PPP4R4: variants seen among roughly 807,000 people sequenced by gnomAD.
PPP4R4 encodes serine/threonine-protein phosphatase 4 regulatory subunit 4.
PPP4R4 carries 70 observed loss-of-function variants against 121.8 expected under a neutral mutation model. That is an observed-to-expected ratio of 0.57 (90% confidence interval 0.47 to 0.70). The LOEUF is 0.70. Ranked by LOEUF, PPP4R4 falls within the 30% of genes least tolerant of loss-of-function variation. PPP4R4 has a pLI of 0.00. For missense variants in PPP4R4, 875 were observed against 1,033.6 expected (o/e 0.85, Z 2.10); for synonymous variants, 348 against 355.7 (o/e 0.98, Z 0.24).
chr14:94,239,198 T>TC (rs1371250357), intron 8 of PPP4R4, among the ~76,000 whole-genome samples: 1 of 138,534 alleles, frequency 7.2e-6, no homozygotes, highest in African/African-American at 3.0e-5. Flanking sequence ...TTCTGCTTCT[T>TC]TTTTTTTTTT....
chr14:94,224,840 C>A (rs1456752076), intron 3 of PPP4R4, among the ~76,000 whole-genome samples: 1 of 151,774 alleles, frequency 6.6e-6, no homozygotes, highest in Non-Finnish European at 1.5e-5. Context: ...AAAATGAAGA[C>A]CAAAAGTGGA....
rs560456294 is a variant in PPP4R4 at position 94,217,229 on chromosome 14, A to C, written c.294+8663A>C. Among the ~76,000 whole-genome samples, 9 of 152,270 alleles carry C rather than the reference A, an allele frequency of 5.9e-5. No homozygotes were observed. In the East Asian group the frequency reaches 1.7e-3, roughly 29 times the overall value. On this transcript the variant is annotated intron_variant, in intron 3 of 24. Transcript: ENST00000304338. ...GCCTGCTGAAAACTGAGGGTGGAGCAGGAACACTGAGGCAAACCCTTTGGC... is the reference window on the plus strand; with the variant it reads ...GCCTGCTGAAAACTGAGGGTGGAGCCGGAACACTGAGGCAAACCCTTTGGC...
chr14:94,207,750 A>T (rs1447414071), intron 2 of PPP4R4, among the ~76,000 whole-genome samples: 2 of 151,798 alleles, frequency 1.3e-5, no homozygotes, highest in Non-Finnish European at 2.9e-5. Context: ...TTCAGAACTT[A>T]GGCCACTTTG....
chr14:94,278,317 A>G (rs551652254), intron 24 of PPP4R4, among the ~76,000 whole-genome samples: 1 of 152,160 alleles, frequency 6.6e-6, no homozygotes, highest in African/African-American at 2.4e-5. Context: ...AACTTCCATT[A>G]TGGTTATACA....
At chr14:94,262,132 T>A (rs937757820) in intron 19 of PPP4R4, among the ~76,000 whole-genome samples, 1 of 152,028 alleles carries the variant, frequency 6.6e-6, no homozygotes, top group East Asian at 1.9e-4. Flanking sequence ...TATTTTTGCC[T>A]TAAGAGTTTT....
intron 18 of PPP4R4, among the ~76,000 whole-genome samples, 180 bp downstream of exon 18, chr14:94,259,004 A>C (rs1464616818): frequency 3.9e-5 from 6 of 152,190 alleles, no homozygotes; most frequent in African/African-American, 1.4e-4. Flanking sequence ...TCTTACATGG[A>C]TGGCGGCAGG....
chr14:94,209,251 A>C (rs1890616605), intron 3 of PPP4R4, among the ~76,000 whole-genome samples: 1 of 152,076 alleles, frequency 6.6e-6, no homozygotes, highest in South Asian at 2.1e-4. Flanking sequence ...TGTGTCCTCC[A>C]AGAGTTTACC....
At chr14:94,240,524 C>T (rs931181431) in intron 8 of PPP4R4, 149 bp from the exon 9 acceptor site, 8 of 795,940 alleles carry the variant, frequency 1.0e-5, no homozygotes, top group Non-Finnish European at 1.5e-5. Flanking sequence ...TCACCACCCA[C>T]CTCCATCGTT....
In PPP4R4 at chr14:94,189,664, T is replaced by C. The variant is rs117593073; in HGVS notation, c.191+13537T>C. Among the ~76,000 whole-genome samples, 831 of 152,306 alleles carry C rather than the reference T, an allele frequency of 5.5e-3. 12 individuals are homozygous for C. The highest frequency in any genetic ancestry group is 0.044 in the East Asian group (230 of 5,184). On this transcript the variant is annotated intron_variant, in intron 2 of 24. Coordinates refer to ENST00000304338, the MANE Select transcript of PPP4R4 (RefSeq NM_058237.2). Reference sequence around the variant, plus strand: ...TTTGCTGGGCACCTCCACCAGGGTGTCTCCACCAGAATGTCTTGCTGGCTT... The same window carrying C: ...TTTGCTGGGCACCTCCACCAGGGTGCCTCCACCAGAATGTCTTGCTGGCTT...
At chr14:94,218,790 T>G (rs1450661895) in intron 3 of PPP4R4, among the ~76,000 whole-genome samples, 1 of 151,648 alleles carries the variant, frequency 6.6e-6, no homozygotes, top group Non-Finnish European at 1.5e-5. Flanking sequence ...CATAAACTGC[T>G]GAAAATAAAA....
At chr14:94,230,825 G>A (rs1821520810) in intron 4 of PPP4R4, 91 bp downstream of exon 4, 2 of 1,379,094 alleles carry the variant, frequency 1.5e-6, no homozygotes, top group Non-Finnish European at 2.0e-6. Flanking sequence ...GCCTGATGAG[G>A]ATAACTGAGT....
Position 94,241,680 on chromosome 14 carries a change from T to G in PPP4R4, c.977-108T>G, listed in dbSNP as rs565625501. The stretch of plus-strand genomic sequence containing the variant: ...TTTATTTATAAAGTATCTGTAACCA[T>G]TTATTTAAGTATTTGGCTCCAATTA... On this transcript the variant is annotated intron_variant, in intron 9 of 24. Coordinates refer to ENST00000304338, the MANE Select transcript of PPP4R4 (RefSeq NM_058237.2). The G allele has an allele frequency of 2.5e-5, 20 of 794,962 alleles. No individual in the cohort carries two copies. In the East Asian group the frequency reaches 5.5e-4, roughly 22 times the overall value. The allele number at this position is 794,962 out of a possible 1,614,324, so 49.2% of individuals were successfully genotyped here. A position where few individuals can be genotyped will look rare whatever the true frequency, so the allele number is the denominator to read the frequency against.
chr14:94,208,411 C>T, intron 2 of PPP4R4, 53 bp from the exon 3 acceptor site: 1 of 1,343,170 alleles, frequency 7.4e-7, no homozygotes, highest in Non-Finnish European at 1.0e-6. Flanking sequence ...TATAACTGTG[C>T]AGAGGAATTC....
chr14:94,199,730 T>C (rs1890071948), intron 2 of PPP4R4, among the ~76,000 whole-genome samples: 1 of 150,736 alleles, frequency 6.6e-6, no homozygotes, highest in South Asian at 2.2e-4. Context: ...CCAGCCAAAC[T>C]CCACCTCATT....
intron 11 of PPP4R4, among the ~76,000 whole-genome samples, chr14:94,243,231 G>A (rs962468807): frequency 1.5e-4 from 23 of 151,938 alleles, no homozygotes; most frequent in Admixed American, 1.2e-3. Context: ...GCTTTTTCTG[G>A]TATGAAAATA....
At chr14:94,222,871 T>C (rs1224971710) in intron 3 of PPP4R4, among the ~76,000 whole-genome samples, 1 of 152,126 alleles carries the variant, frequency 6.6e-6, no homozygotes, top group African/African-American at 2.4e-5. Context: ...AAGACTCCAA[T>C]TTTATGTATA....
chr14:94,186,858 TC>T (rs1300987111), intron 2 of PPP4R4, among the ~76,000 whole-genome samples: 1 of 152,206 alleles, frequency 6.6e-6, no homozygotes, highest in Non-Finnish European at 1.5e-5. Flanking sequence ...TATTGAAGTC[TC>T]CAACTGTAAT....
In PPP4R4 at chr14:94,275,414, T is replaced by A. The variant is rs752100620; in HGVS notation, c.2490T>A (p.Ser830=). The A allele has an allele frequency of 2.2e-5, 36 of 1,613,958 alleles. No homozygotes were observed. The highest frequency in any genetic ancestry group is 3.0e-5 in the Non-Finnish European group (35 of 1,179,928). ...CTCGTAATGCCAGTAGCGTTCCATC[T>A]TCCTTTTCTCCTAATACTCCCTTAC... The part of the protein sequence containing the change: ...FRTRNASSVP[S]SFSPNTPLPS... The change falls in exon 24 of 25, where the codon TCT becomes TCA. Residue 830 remains serine (S), a synonymous_variant. Coordinates refer to ENST00000304338, the MANE Select transcript of PPP4R4 (RefSeq NM_058237.2).
intron 2 of PPP4R4, among the ~76,000 whole-genome samples, chr14:94,194,170 G>A (rs1214881475): frequency 6.6e-6 from 1 of 152,202 alleles, no homozygotes; most frequent in Non-Finnish European, 1.5e-5. Context: ...GAGTTTAAAA[G>A]ATAGGTGTCC....
Sources: allele counts gnomAD v4.1 joint callset (sites outside exome capture counted in the v4.1 genomes callset), GRCh38; gene constraint gnomAD v4.1.1; transcripts MANE v1.5; gene names NCBI Gene and HGNC (gene_info 2026-07-23, HGNC 2026-07-21).